The following AFTPH variants were observed in gnomAD, a reference collection of about 807,000 sequenced individuals.
The protein encoded by AFTPH is aftiphilin protein.
Under a neutral mutation model 72.5 loss-of-function variants are expected in AFTPH, and 7 were observed. The observed-to-expected ratio is 0.10, with a 90% CI of 0.05 to 0.18. AFTPH has a LOEUF of 0.18. Ranked by LOEUF, AFTPH falls within the 10% of genes least tolerant of loss-of-function variation. The pLI, the probability that AFTPH is intolerant of heterozygous loss-of-function variation, is 1.00. For synonymous variants in AFTPH, 337 were observed against 370.1 expected, an observed-to-expected ratio of 0.91 and a Z score of 1.03; for missense variants, 979 against 1,060.5, an observed-to-expected ratio of 0.92 and a Z score of 1.07.
At chr2:64,573,012 G>A (rs756415272) in exon 6 of AFTPH, 22 of 1,613,862 alleles carry the variant, frequency 1.4e-5, no homozygotes, top group Non-Finnish European at 1.8e-5. Flanking sequence ...AGCTTCCATC[G>A]GTCAGACAGC....
intron 1 of AFTPH, among the ~76,000 whole-genome samples, chr2:64,544,391 A>G (rs1022547079): frequency 4.6e-5 from 7 of 152,212 alleles, no homozygotes; most frequent in Admixed American, 6.5e-5. Flanking sequence ...ATAAGTAGAC[A>G]TAAAAATGGC....
intron 1 of AFTPH, among the ~76,000 whole-genome samples, chr2:64,529,874 C>T (rs1014013360): frequency 6.6e-6 from 1 of 152,142 alleles, no homozygotes; most frequent in African/African-American, 2.4e-5. Context: ...AATCCCTCAG[C>T]CAGGCGCAGT....
exon 1 of AFTPH, chr2:64,524,434 C>T (rs999769105): frequency 1.7e-5 from 7 of 403,492 alleles, no homozygotes; most frequent in Non-Finnish European, 2.2e-5. Context: ...GATGGGGGTC[C>T]CGCGGCAGCG....
intron 1 of AFTPH, among the ~76,000 whole-genome samples, chr2:64,530,337 G>C (rs904035833): frequency 6.6e-6 from 1 of 152,044 alleles, no homozygotes. Flanking sequence ...GCCATATTCA[G>C]ATTCTTCCCC....
intron 8 of AFTPH, among the ~76,000 whole-genome samples, chr2:64,588,748 TTTTTTG>T (rs1304637280): frequency 6.6e-6 from 1 of 152,158 alleles, no homozygotes; most frequent in African/African-American, 2.4e-5. Flanking sequence ...ATCCTTTGCC[TTTTTTG>T]TTTTTGTTTT....
intron 8 of AFTPH, among the ~76,000 whole-genome samples, chr2:64,589,956 G>T (rs1354200738): frequency 1.6e-5 from 2 of 124,234 alleles, no homozygotes; most frequent in East Asian, 5.5e-4. Context: ...GGGGGGGGGG[G>T]GGGGTTTCCA....
At chr2:64,555,885 G>T (rs1273193021) in intron 2 of AFTPH, among the ~76,000 whole-genome samples, 1 of 151,964 alleles carries the variant, frequency 6.6e-6, no homozygotes, top group Non-Finnish European at 1.5e-5. Context: ...CTAGAAGAGT[G>T]CATTAATTTA....
At chr2:64,589,705 G>A (rs1227698741) in intron 8 of AFTPH, among the ~76,000 whole-genome samples, 1 of 152,012 alleles carries the variant, frequency 6.6e-6, no homozygotes, top group African/African-American at 2.4e-5. Flanking sequence ...ATTTTTTGCT[G>A]TCTGTTCCTA....
At chr2:64,533,902 A>G (rs1669756826) in intron 1 of AFTPH, among the ~76,000 whole-genome samples, 1 of 152,234 alleles carries the variant, frequency 6.6e-6, no homozygotes, top group African/African-American at 2.4e-5. Flanking sequence ...GTGATTAATG[A>G]ATTATTTACC....
intron 1 of AFTPH, among the ~76,000 whole-genome samples, chr2:64,533,202 AGCC>A (rs1669720575): frequency 1.3e-5 from 2 of 152,160 alleles, no homozygotes; most frequent in African/African-American, 4.8e-5. Context: ...GTTTGAGACC[AGCC>A]TGGGCAACAT....
At chr2:64,537,447 T>A (rs1031005959) in intron 1 of AFTPH, among the ~76,000 whole-genome samples, 2 of 152,166 alleles carry the variant, frequency 1.3e-5, no homozygotes. Context: ...AAATTAAAAA[T>A]TTTAAAAAGA....
At chr2:64,533,352 T>C (rs1669728767) in intron 1 of AFTPH, among the ~76,000 whole-genome samples, 1 of 151,952 alleles carries the variant, frequency 6.6e-6, no homozygotes, top group Non-Finnish European at 1.5e-5. Flanking sequence ...TGAGCTGAGA[T>C]CACACCACTG....
At chr2:64,586,523 CATA>C (rs1673523768) in intron 8 of AFTPH, among the ~76,000 whole-genome samples, 2 of 152,146 alleles carry the variant, frequency 1.3e-5, no homozygotes, top group African/African-American at 4.8e-5. Flanking sequence ...CTTGAATTAT[CATA>C]TTGTCTTTTA....
In AFTPH at chr2:64,561,543, C is replaced by T. The variant is rs376402573; in HGVS notation, c.1936-6019C>T. Among the ~76,000 whole-genome samples, 25 of 152,196 alleles carry T rather than the reference C, an allele frequency of 1.6e-4. No individual in the cohort carries two copies. The East Asian group carries it at 4.3e-3, about 26-fold the overall frequency. The stretch of plus-strand genomic sequence containing the variant: ...AATAAAAAATAAAAATTAGCCAGGC[C>T]TGGTGGTGTTCACCTGTGGTCCTAG... On this transcript the variant is annotated intron_variant, in intron 2 of 8. Transcript: ENST00000238856.
chr2:64,576,271 A>T (rs1356425945), intron 6 of AFTPH, among the ~76,000 whole-genome samples: 1 of 151,572 alleles, frequency 6.6e-6, no homozygotes, highest in Non-Finnish European at 1.5e-5. Context: ...CTACGCCCCT[A>T]GCCTTTAGTG....
chr2:64,564,565 G>T (rs1445926670), intron 2 of AFTPH, among the ~76,000 whole-genome samples: 1 of 151,728 alleles, frequency 6.6e-6, no homozygotes, highest in African/African-American at 2.4e-5. Context: ...AGTGAGCCGA[G>T]ATCGCACCAC....
intron 1 of AFTPH, among the ~76,000 whole-genome samples, chr2:64,550,713 ACACACACACACACACAC>A (rs1402734564): frequency 3.3e-5 from 5 of 149,848 alleles, no homozygotes; most frequent in African/African-American, 1.2e-4. Flanking sequence ...ACACACACAC[ACACACACACACACACAC>A]AACTGGTGAA....
At chr2:64,534,662 TTTG>T (rs1669792425) in intron 1 of AFTPH, among the ~76,000 whole-genome samples, 1 of 152,144 alleles carries the variant, frequency 6.6e-6, no homozygotes, top group Non-Finnish European at 1.5e-5. Context: ...AGGGAAGTTT[TTTG>T]TTGTTGGTGT....
chr2:64,569,739 T>C, intron 5 of AFTPH, 60 bp downstream of exon 5: 1 of 1,465,622 alleles, frequency 6.8e-7, no homozygotes, highest in Admixed American at 1.7e-5. Flanking sequence ...TGTAAAATCA[T>C]CTTAAAATAC....
Sources: gnomAD v4.1 joint callset for allele counts (sites outside exome capture counted in the v4.1 genomes callset) on GRCh38, gnomAD v4.1.1 for gene constraint, MANE v1.5 for transcripts, NCBI Gene and HGNC (gene_info 2026-07-23, HGNC 2026-07-21) for gene names.